EIF2D: variants seen among roughly 807,000 people sequenced by gnomAD.
The protein encoded by EIF2D is eukaryotic translation initiation factor 2D.
Under a neutral mutation model 77.4 loss-of-function variants are expected in EIF2D, and 56 were observed. The ratio of observed to expected loss-of-function variants is 0.72; its 90% CI spans 0.58 to 0.90. EIF2D has a LOEUF of 0.90. Ranked by LOEUF, EIF2D falls within the 40% of genes least tolerant of loss-of-function variation. EIF2D has a pLI of 0.00. For synonymous variants in EIF2D, 230 were observed against 271.0 expected, an observed-to-expected ratio of 0.85 and a Z score of 1.49; for missense variants, 574 against 706.5, an observed-to-expected ratio of 0.81 and a Z score of 2.13.
chr1:206,599,494 T>A lies in EIF2D; in HGVS notation c.1171A>T (p.Met391Leu). 6.2e-7 allele frequency: 1 copy of A among 1,613,980 alleles called. No homozygotes were observed. The highest frequency in any genetic ancestry group is 2.2e-5 in the East Asian group (1 of 44,880). The change falls in exon 10 of 15, where the codon ATG (methionine) becomes TTG (leucine). Residue 391 changes from methionine to leucine, a missense_variant. Met to Leu is a conservative substitution (Grantham distance 15). Coordinates refer to ENST00000271764, the MANE Select transcript of EIF2D (RefSeq NM_006893.3). The surrounding 1 kb of genome is among the most constrained non-coding windows in gnomAD (Gnocchi z 4.1). Reference sequence around the variant, plus strand: ...CCAGACTCCTGGAAGAGCAGGGTCATGCTGGCTGGGACACAGTAGAGGGGT... The same window carrying A: ...CCAGACTCCTGGAAGAGCAGGGTCAAGCTGGCTGGGACACAGTAGAGGGGT... ...IKPLYCVPAS[M>L]TLLFQESGHK...
chr1:206,598,778 G>C (rs959978968), intron 11 of EIF2D, among the ~76,000 whole-genome samples: 1 of 152,190 alleles, frequency 6.6e-6, no homozygotes, highest in East Asian at 1.9e-4. Context: ...ATTTGTGAGA[G>C]AATATTTACT....
downstream of EIF2D, among the ~76,000 whole-genome samples, chr1:206,589,850 G>A (rs1375206206): frequency 6.6e-6 from 1 of 152,068 alleles, no homozygotes; most frequent in Non-Finnish European, 1.5e-5. Context: ...CACATAGAAT[G>A]CAATACATGG....
At chr1:206,576,888 A>G (rs1668677925) in intron 4 of EIF2D, among the ~76,000 whole-genome samples, 2 of 152,114 alleles carry the variant, frequency 1.3e-5, no homozygotes, top group African/African-American at 4.8e-5. Context: ...TGCAGCCTTG[A>G]ACTCCTGGGG....
chr1:206,578,115 AC>A (rs67589245), intron 4 of EIF2D, among the ~76,000 whole-genome samples: 34,729 of 151,792 alleles, frequency 0.23, 4,444 homozygotes, highest in Non-Finnish European at 0.28. Flanking sequence ...AGTCCCAGCT[AC>A]ATGGGAGGCT....
chr1:206,594,668 G>C (rs568751084), intron 13 of EIF2D: 18 of 152,174 alleles, frequency 1.2e-4, no homozygotes, highest in African/African-American at 4.1e-4. Flanking sequence ...CCCACCTGAT[G>C]CATGAACCCC....
intron 3 of EIF2D, 104 bp downstream of exon 3, chr1:206,609,271 AT>A (rs1488507795): frequency 3.4e-6 from 4 of 1,189,570 alleles, no homozygotes; most frequent in African/African-American, 3.1e-5. Context: ...AAAAAATTCC[AT>A]TTTTCAACCA....
At chr1:206,596,404 A>G (rs760644631) in intron 12 of EIF2D, among the ~76,000 whole-genome samples, 4 of 152,220 alleles carry the variant, frequency 2.6e-5, no homozygotes, top group Admixed American at 6.5e-5. Context: ...CAGTTCTGCC[A>G]TTATAGCATA....
Position 206,584,328 on chromosome 1 carries a change from C to T in EIF2D, c.139-3166G>A. The T allele has an allele frequency of 6.6e-7, 1 of 1,520,462 alleles. No homozygotes were observed. The highest frequency in any genetic ancestry group is 8.9e-7 in the Non-Finnish European group (1 of 1,124,380). The allele number at this position is 1,520,462 out of a possible 1,614,324, so 94.2% of individuals were successfully genotyped here. A position where few individuals can be genotyped will look rare whatever the true frequency, so the allele number is the denominator to read the frequency against. ...CTGCTGGGGCAATGGCCCCGAGTGG[C>T]AGATATGATCATGCAAGGCGGACGG... On this transcript the variant is annotated intron_variant and NMD_transcript_variant, in intron 2 of 5. Coordinates refer to the EIF2D transcript ENST00000472709. This position sits in a 1 kb window ranked among gnomAD's most constrained non-coding sequence, Gnocchi z 4.9.
rs1377298256 is a variant in EIF2D at position 206,585,435 on chromosome 1, TG to T, written c.139-4274del. ...TGACTGTTGAGAGAGTGAGCAGGGG[TG>T]GGTGATGGGCCTGGGGGTCAGTGTT... On this transcript the variant is annotated intron_variant and NMD_transcript_variant, in intron 2 of 5. Coordinates refer to the EIF2D transcript ENST00000472709. 5 of 668,856 alleles carry T rather than the reference TG, an allele frequency of 7.5e-6. No individual in the cohort carries two copies. The Admixed American group carries it at 1.1e-4, about 15-fold the overall frequency. The allele number at this position is 668,856 out of a possible 1,614,324, so 41.4% of individuals were successfully genotyped here.
At chr1:206,611,059 T>C in intron 2 of EIF2D, 125 bp downstream of exon 2, 1 of 871,482 alleles carries the variant, frequency 1.1e-6, no homozygotes, top group Non-Finnish European at 1.7e-6. Flanking sequence ...TAAAGATCCT[T>C]GGGGATGGTA....
At chr1:206,610,423 G>A (rs1383874046) in intron 2 of EIF2D, among the ~76,000 whole-genome samples, 4 of 152,152 alleles carry the variant, frequency 2.6e-5, no homozygotes, top group Non-Finnish European at 5.9e-5. Context: ...GGAGGCTGAG[G>A]TGGGAGGATC....
At position 206,592,588 on chromosome 1, in the gene EIF2D, C is replaced by A. The variant is rs1553409127; in HGVS notation, c.1685-743G>T. ...GCCTGCAACATGGGTGTAGGAGCTG[C>A]CAGAGAGAGCCTGGCAGGGAAGGCT... On this transcript the variant is annotated intron_variant, in intron 14 of 14. Transcript: ENST00000271764. This position sits in a 1 kb window ranked among gnomAD's most constrained non-coding sequence, Gnocchi z 4.7. Among the ~76,000 whole-genome samples the A allele has an allele frequency of 6.6e-6, 1 of 152,138 alleles. No individual in the cohort carries two copies. Among genetic ancestry groups the A allele is most frequent in the Admixed American group, 6.5e-5 (1 of 15,276 alleles).
At chr1:206,601,179 C>T (rs1553411209) in intron 7 of EIF2D, 3 of 152,212 alleles carry the variant, frequency 2.0e-5, no homozygotes, top group African/African-American at 4.8e-5. Context: ...CCAGACACCA[C>T]ATTTGTACAG....
chr1:206,603,184 G>A lies in EIF2D; in HGVS notation c.551C>T (p.Ser184Phe). Residue 184 changes from serine (S) to phenylalanine (F), a missense_variant, in exon 6 of 15, where the codon TCT (serine) becomes TTT (phenylalanine). Transcript: ENST00000271764. ...DHLWRSGNKSSPPSIAPLALD... is the reference protein window; with the variant it reads ...DHLWRSGNKSFPPSIAPLALD... The stretch of plus-strand genomic sequence containing the variant: ...GGCCAGTGGAGCAATGGAAGGTGGA[G>A]AGGACTTGTTTCCAGACCGCCTGGA... 6.2e-7 allele frequency: 1 copy of A among 1,613,880 alleles called. No individual in the cohort carries two copies. The highest frequency in any genetic ancestry group is 8.5e-7 in the Non-Finnish European group (1 of 1,179,820).
intron 4 of EIF2D, 105 bp from the exon 5 acceptor site, chr1:206,605,612 T>C: frequency 1.1e-6 from 1 of 933,388 alleles, no homozygotes. Context: ...AGGTTACCAA[T>C]TCGAAGGTCT....
intron 11 of EIF2D, 56 bp downstream of exon 11, chr1:206,598,947 T>C: frequency 1.3e-6 from 2 of 1,553,126 alleles, no homozygotes; most frequent in South Asian, 2.2e-5. Flanking sequence ...AATGTGTCTA[T>C]GTCTGATAAA....
At chr1:206,604,043 AAAC>A (rs1670061495) in intron 5 of EIF2D, among the ~76,000 whole-genome samples, 1 of 152,342 alleles carries the variant, frequency 6.6e-6, no homozygotes, top group South Asian at 2.1e-4. Flanking sequence ...ACTGATAGTT[AAAC>A]AACAAGGTGC....
intron 2 of EIF2D, chr1:206,583,784 G>A: frequency 5.1e-6 from 1 of 196,790 alleles, no homozygotes; most frequent in Non-Finnish European, 1.1e-5. Flanking sequence ...AGAGGGGAGG[G>A]CACCCAACTT....
At chr1:206,602,054 C>T (rs576071871) in intron 7 of EIF2D, 70 of 362,212 alleles carry the variant, frequency 1.9e-4, no homozygotes, top group Non-Finnish European at 9.2e-5. Flanking sequence ...AGAACCCCCA[C>T]GGCAGAGGCA....
Sources: allele counts gnomAD v4.1 joint callset (sites outside exome capture counted in the v4.1 genomes callset), GRCh38; gene constraint gnomAD v4.1.1; non-coding constraint Gnocchi (gnomAD v3.1); transcripts MANE v1.5; gene names NCBI Gene and HGNC (gene_info 2026-07-23, HGNC 2026-07-21).